Variants in SMIM30 observed in about 807,000 individuals in gnomAD.
SMIM30 encodes long intergenic non-protein coding RNA 998.
For synonymous variants in SMIM30, 19 were observed against 11.5 expected (o/e 1.65, Z -1.31); for missense variants, 43 against 27.6 (o/e 1.56, Z -1.25).
In SMIM30 at chr7:113,118,526, A is replaced by C. The variant is rs774125284; in HGVS notation, c.-124+2T>G. The C allele has an allele frequency of 2.2e-6, 1 of 455,916 alleles. No individual in the cohort carries two copies. 28.2% of individuals were successfully genotyped at this position (455,916 alleles called of 1,614,324 possible). A position where few individuals can be genotyped will look rare whatever the true frequency, so the allele number is the denominator to read the frequency against. ...TCCTTTGGAGACGAGTTCGTACATT[A>C]CCTTCTAGGAAGCAGCCATTACAGG... On this transcript the variant is annotated splice_donor_variant, in intron 1 of 2. Coordinates refer to ENST00000397764, the MANE Select transcript of SMIM30 (RefSeq NM_001352688.2). LOFTEE classifies it low-confidence loss of function (5UTR_SPLICE).
chr7:113,117,891 T>A (rs893519442), intron 2 of SMIM30, 177 bp downstream of exon 2: 3 of 392,426 alleles, frequency 7.6e-6, no homozygotes, highest in African/African-American at 4.2e-5. Flanking sequence ...CAGGAGTTCA[T>A]AATTAAGAAC....
At position 113,118,176 on chromosome 7, in the gene SMIM30, G is replaced by C. The variant is rs533064553; in HGVS notation, c.-123-15C>G. 3 of 437,640 alleles carry C rather than the reference G, an allele frequency of 6.9e-6. No individual in the cohort carries two copies. The highest frequency in any genetic ancestry group is 3.8e-4 in the Middle Eastern group (1 of 2,636). The allele number at this position is 437,640 out of a possible 1,614,324, so 27.1% of individuals were successfully genotyped here. A position where few individuals can be genotyped will look rare whatever the true frequency, so the allele number is the denominator to read the frequency against. On this transcript the variant is annotated splice_polypyrimidine_tract_variant and intron_variant, in intron 1 of 2. Coordinates refer to ENST00000397764, the MANE Select transcript of SMIM30 (RefSeq NM_001352688.2). ...CGTGACACGACCTATTATTAGCATG[G>C]GGGGTGGGGAGGGGGCGGAGAGAAG...
At chr7:113,118,047 T>TG in intron 2 of SMIM30, 21 bp downstream of exon 2, 2 of 447,406 alleles carry the variant, frequency 4.5e-6, no homozygotes, top group South Asian at 3.2e-5. Flanking sequence ...TGCGAAGTTG[T>TG]GGGGAATTAA....
chr7:113,117,518 C>T lies in SMIM30; in HGVS notation c.61G>A (p.Val21Ile). Residue 21 changes from valine to isoleucine, a missense_variant, in exon 3 of 3, where the codon GTT becomes ATT. Val to Ile is a conservative substitution (Grantham distance 29, BLOSUM62 3). Transcript: ENST00000397764. ...TCACCGGCTTCTACTGCTTCCACAA[C>T]AGGCAGCACCAAAAGCAGTGACATG... The part of the protein sequence containing the change: ...VLMSLLLVLP[V>I]VEAVEAGDAI... 1.4e-6 allele frequency: 1 copy of T among 702,854 alleles called. No individual in the cohort carries two copies. Among genetic ancestry groups the T allele is most frequent in the Non-Finnish European group, 2.6e-6 (1 of 384,900 alleles). 43.5% of individuals were successfully genotyped at this position (702,854 alleles called of 1,614,324 possible). A position where few individuals can be genotyped will look rare whatever the true frequency, so the allele number is the denominator to read the frequency against.
rs1412853586 is a variant in SMIM30, at chr7:113,118,163, T to G, written c.-123-2A>C. The G allele has an allele frequency of 6.7e-6, 3 of 446,118 alleles. No homozygotes were observed. The highest frequency in any genetic ancestry group is 1.3e-5 in the Non-Finnish European group (3 of 222,734). The allele number at this position is 446,118 out of a possible 1,614,324, so 27.6% of individuals were successfully genotyped here. A position where few individuals can be genotyped will look rare whatever the true frequency, so the allele number is the denominator to read the frequency against. On this transcript the variant is annotated splice_acceptor_variant, in intron 1 of 2. Transcript: ENST00000397764. LOFTEE classifies it low-confidence loss of function (5UTR_SPLICE). ...TTAAGAGGTTCCACGTGACACGACC[T>G]ATTATTAGCATGGGGGGTGGGGAGG...
chr7:113,117,171 TA>T lies in SMIM30; in HGVS notation c.*227del. On this transcript the variant is annotated 3_prime_UTR_variant, in exon 3 of 3. Coordinates refer to ENST00000397764, the MANE Select transcript of SMIM30 (RefSeq NM_001352688.2). ...CAGCCATCTTACTTCTTTGACTACC[TA>T]ACTAGCAAATTATAGGCTGCATTTT... 1 of 483,872 alleles carries T rather than the reference TA, an allele frequency of 2.1e-6. No homozygotes were observed. The highest frequency in any genetic ancestry group is 1.9e-5 in the African/African-American group (1 of 52,126). The allele number at this position is 483,872 out of a possible 1,614,324, so 30.0% of individuals were successfully genotyped here.
rs1425201999 is a variant in SMIM30 at position 113,117,564 on chromosome 7, T to G, written c.15A>C (p.Ser5=). The G allele has an allele frequency of 2.8e-6, 2 of 702,992 alleles. No individual in the cohort carries two copies. The highest frequency in any genetic ancestry group is 5.2e-6 in the Non-Finnish European group (2 of 384,968). 43.5% of individuals were successfully genotyped at this position (702,992 alleles called of 1,614,324 possible). A position where few individuals can be genotyped will look rare whatever the true frequency, so the allele number is the denominator to read the frequency against. MTSV[S]TQLSLVLMSL... ...ACATGAGGACTAAGGACAACTGTGTTGAAACTGAGGTCATGATGTTGGAAT... is the reference window on the plus strand; with the variant it reads ...ACATGAGGACTAAGGACAACTGTGTGGAAACTGAGGTCATGATGTTGGAAT... Residue 5 remains serine, a synonymous_variant, in exon 3 of 3, where the codon TCA becomes TCC. Transcript: ENST00000397764.
At chr7:113,117,807 G>C in intron 2 of SMIM30, 200 bp from the exon 3 acceptor site, 3 of 537,520 alleles carry the variant, frequency 5.6e-6, no homozygotes, top group South Asian at 2.1e-5. Context: ...TCCCTATCTC[G>C]TGATAACACT....
chr7:113,117,907 G>C (rs879201430), intron 2 of SMIM30, 161 bp downstream of exon 2: 1 of 323,544 alleles, frequency 3.1e-6, no homozygotes, highest in South Asian at 2.7e-5. Flanking sequence ...AGAACAAACA[G>C]AAAAAAAGCA....
Position 113,117,548 on chromosome 7 carries a change from C to G in SMIM30, c.31G>C (p.Val11Leu), listed in dbSNP as rs1247850266. 4.3e-6 allele frequency: 3 copies of G among 702,764 alleles called. No homozygotes were observed. Among genetic ancestry groups the G allele is most frequent in the East Asian group, 5.4e-5 (2 of 37,308 alleles). The allele number at this position is 702,764 out of a possible 1,614,324, so 43.5% of individuals were successfully genotyped here. A position where few individuals can be genotyped will look rare whatever the true frequency, so the allele number is the denominator to read the frequency against. Residue 11 changes from valine (V) to leucine (L), a missense_variant, in exon 3 of 3, where the codon GTC becomes CTC. Coordinates refer to ENST00000397764, the MANE Select transcript of SMIM30 (RefSeq NM_001352688.2). MTSVSTQLSLVLMSLLLVLPV... is the reference protein window; with the variant it reads MTSVSTQLSLLLMSLLLVLPV... ...AGCACCAAAAGCAGTGACATGAGGA[C>G]TAAGGACAACTGTGTTGAAACTGAG... is the stretch of plus-strand genomic sequence containing the variant.
At position 113,117,151 on chromosome 7, in the gene SMIM30, A is replaced by G; in HGVS notation, c.*248T>C. On this transcript the variant is annotated 3_prime_UTR_variant, in exon 3 of 3. Coordinates refer to ENST00000397764, the MANE Select transcript of SMIM30 (RefSeq NM_001352688.2). ...AATATTACTTATGTAAATTTCAGCC[A>G]TCTTACTTCTTTGACTACCTAACTA... The G allele has an allele frequency of 4.5e-6, 2 of 446,576 alleles. No individual in the cohort carries two copies. The highest frequency in any genetic ancestry group is 8.2e-6 in the Non-Finnish European group (2 of 244,164). 27.7% of individuals were successfully genotyped at this position (446,576 alleles called of 1,614,324 possible). A position where few individuals can be genotyped will look rare whatever the true frequency, so the allele number is the denominator to read the frequency against.
Position 113,118,390 on chromosome 7 carries a change from G to C in SMIM30, c.-124+138C>G, listed in dbSNP as rs747223460. On this transcript the variant is annotated intron_variant, in intron 1 of 2. Transcript: ENST00000397764. ...AAAAGGTAAAAAGAAACAGAACAGA[G>C]ATAATTTCATTTCAGGACTTGATAT... 2.9e-5 allele frequency: 13 copies of C among 454,894 alleles called. No homozygotes were observed. In the Middle Eastern group the frequency reaches 1.8e-3, roughly 63 times the overall value. 28.2% of individuals were successfully genotyped at this position (454,894 alleles called of 1,614,324 possible). A position where few individuals can be genotyped will look rare whatever the true frequency, so the allele number is the denominator to read the frequency against.
chr7:113,118,201 G>A, intron 1 of SMIM30, 40 bp from the exon 2 acceptor site: 2 of 427,256 alleles, frequency 4.7e-6, no homozygotes, highest in Non-Finnish European at 9.3e-6. Flanking sequence ...GCGGAGAGAA[G>A]GATTTAAAAA....
At chr7:113,117,664 T>C in intron 2 of SMIM30, 57 bp from the exon 3 acceptor site, 1 of 695,676 alleles carries the variant, frequency 1.4e-6, no homozygotes, top group Non-Finnish European at 2.6e-6. Flanking sequence ...CCTTTTCAAA[T>C]GACAAAATGA....
rs773574264 is a variant in SMIM30 at position 113,117,529 on chromosome 7, A to G, written c.50T>C (p.Leu17Ser). ...TACTGCTTCCACAACAGGCAGCACCAAAAGCAGTGACATGAGGACTAAGGA... is the reference window on the plus strand; with the variant it reads ...TACTGCTTCCACAACAGGCAGCACCGAAAGCAGTGACATGAGGACTAAGGA... ...QLSLVLMSLL[L>S]VLPVVEAVEA... The change falls in exon 3 of 3, where the codon TTG (leucine) becomes TCG (serine). Residue 17 changes from leucine to serine, a missense_variant. Coordinates refer to ENST00000397764, the MANE Select transcript of SMIM30 (RefSeq NM_001352688.2). 11 of 702,828 alleles carry G rather than the reference A, an allele frequency of 1.6e-5. No homozygotes were observed. Among genetic ancestry groups the G allele is most frequent in the South Asian group, 3.0e-5 (2 of 67,598 alleles). 43.5% of individuals were successfully genotyped at this position (702,828 alleles called of 1,614,324 possible).
chr7:113,118,255 C>T (rs1485677401), intron 1 of SMIM30, 94 bp from the exon 2 acceptor site: 1 of 418,976 alleles, frequency 2.4e-6, no homozygotes, highest in African/African-American at 2.1e-5. Flanking sequence ...CAGCTAGAGT[C>T]AGTGCAGAGC....
chr7:113,118,027 C>G (rs973106643), intron 2 of SMIM30, 41 bp downstream of exon 2: 1 of 443,634 alleles, frequency 2.3e-6, no homozygotes, highest in African/African-American at 2.0e-5. Context: ...AGTCACACAA[C>G]ATATAACTCT....
intron 2 of SMIM30, 157 bp downstream of exon 2, chr7:113,117,911 A>T (rs1794712756): frequency 2.7e-6 from 1 of 371,058 alleles, no homozygotes; most frequent in Admixed American, 3.9e-5. Flanking sequence ...CAAACAGAAA[A>T]AAAGCACGAG....
At position 113,117,384 on chromosome 7, in the gene SMIM30, G is replaced by C; in HGVS notation, c.*15C>G. 1.4e-6 allele frequency: 1 copy of C among 702,832 alleles called. No homozygotes were observed. Among genetic ancestry groups the C allele is most frequent in the Admixed American group, 2.0e-5 (1 of 50,012 alleles). The allele number at this position is 702,832 out of a possible 1,614,324, so 43.5% of individuals were successfully genotyped here. On this transcript the variant is annotated 3_prime_UTR_variant, in exon 3 of 3. Transcript: ENST00000397764. ...GGTTTTCAGGGTGAGGTTTGACTCA[G>C]TAGGCCTTTCAAAGTCACATCTGTC...
Sources: allele counts gnomAD v4.1 joint callset, GRCh38; gene constraint gnomAD v4.1.1; transcripts MANE v1.5; gene names NCBI Gene and HGNC (gene_info 2026-07-23, HGNC 2026-07-21).